The following PM20D2 variants were observed in gnomAD, a reference collection of about 807,000 sequenced individuals.
The protein encoded by PM20D2 is xaa-Arg dipeptidase.
Under a neutral mutation model 42.9 loss-of-function variants are expected in PM20D2, and 33 were observed. The observed-to-expected ratio is 0.77, with a 90% CI of 0.58 to 1.03. PM20D2 has a LOEUF of 1.03. Among genes scored for constraint, PM20D2 ranks in the 50% least tolerant of loss-of-function variants. PM20D2 has a pLI of 0.00. For synonymous variants in PM20D2, 250 were observed against 228.2 expected (o/e 1.10, Z -0.86); for missense variants, 548 against 557.0 (o/e 0.98, Z 0.16).
chr6:89,107,299 T>C, the PM20D2 span: 3 of 1,489,482 alleles, frequency 2.0e-6, no homozygotes, highest in Non-Finnish European at 1.9e-6. Flanking sequence ...TATGAATAGC[T>C]GGATTAAAAT....
the PM20D2 span, among the ~76,000 whole-genome samples, chr6:89,132,713 C>T: frequency 1.3e-5 from 2 of 150,422 alleles, no homozygotes; most frequent in Non-Finnish European, 2.9e-5. Flanking sequence ...TGGCACACAC[C>T]TGTAATCCCA....
the PM20D2 span, among the ~76,000 whole-genome samples, chr6:89,135,966 A>G: frequency 3.2e-4 from 49 of 151,362 alleles, 1 homozygote; most frequent in East Asian, 7.7e-4. Context: ...ATATTGCAAT[A>G]TGATCTCTGG....
At chr6:89,107,635 G>A in the PM20D2 span, among the ~76,000 whole-genome samples, 1 of 152,132 alleles carries the variant, frequency 6.6e-6, no homozygotes, top group Non-Finnish European at 1.5e-5. Context: ...GGAGGCTGAG[G>A]CGGGAGAATC....
the PM20D2 span, among the ~76,000 whole-genome samples, chr6:89,099,723 T>A: frequency 6.6e-6 from 1 of 151,950 alleles, no homozygotes; most frequent in Non-Finnish European, 1.5e-5. Context: ...TCAGTAGAGA[T>A]GGGATTTCTC....
chr6:89,140,644 C>T, the PM20D2 span, among the ~76,000 whole-genome samples: 4 of 152,274 alleles, frequency 2.6e-5, no homozygotes, highest in East Asian at 7.7e-4. Context: ...AGCTGGGTTA[C>T]GTCTTTGCAG....
chr6:89,125,044 G>T, the PM20D2 span, among the ~76,000 whole-genome samples: 1 of 152,072 alleles, frequency 6.6e-6, no homozygotes, highest in South Asian at 2.1e-4. Flanking sequence ...GCCCCATCAA[G>T]ATTTTTTAAG....
chr6:89,118,752 GAACA>G, the PM20D2 span, among the ~76,000 whole-genome samples: 1 of 152,226 alleles, frequency 6.6e-6, no homozygotes. Flanking sequence ...ATATAGCAAT[GAACA>G]AACAGGCCAA....
At chr6:89,122,938 C>T in the PM20D2 span, among the ~76,000 whole-genome samples, 556 of 152,284 alleles carry the variant, frequency 3.7e-3, 3 homozygotes, top group Non-Finnish European at 6.0e-3. Flanking sequence ...CATCATCATT[C>T]CACACAATCA....
the PM20D2 span, among the ~76,000 whole-genome samples, chr6:89,138,901 ATCTC>A: frequency 5.9e-3 from 902 of 152,214 alleles, 9 homozygotes; most frequent in African/African-American, 0.02. Flanking sequence ...ATAAATAAAT[ATCTC>A]TATCATAGTT....
At chr6:89,156,664 TGGA>T (rs1402600990) in intron 4 of PM20D2, among the ~76,000 whole-genome samples, 2 of 151,956 alleles carry the variant, frequency 1.3e-5, no homozygotes, top group East Asian at 3.9e-4. Flanking sequence ...CTGTTAACCT[TGGA>T]GGAAGGTTTT....
At chr6:89,133,395 T>C in the PM20D2 span, among the ~76,000 whole-genome samples, 5 of 151,108 alleles carry the variant, frequency 3.3e-5, no homozygotes, top group East Asian at 9.6e-4. Context: ...TTTATGTAAT[T>C]ATATGTTTAT....
At chr6:89,160,692 A>G (rs1360858589) in intron 5 of PM20D2, among the ~76,000 whole-genome samples, 1 of 152,248 alleles carries the variant, frequency 6.6e-6, no homozygotes, top group Non-Finnish European at 1.5e-5. Flanking sequence ...GCATGAACCA[A>G]ATCATCCAAT....
rs1771121679 is a variant in PM20D2, at chr6:89,158,364, C to T, written c.952C>T (p.Leu318Phe). The T allele has an allele frequency of 6.2e-7, 1 of 1,607,324 alleles. No homozygotes were observed. ...KGGAHDYYNV[L>F]PNKSLWKAYM... ...TGGAGCACATGATTATTACAATGTT[C>T]TTCCCAATAAGAGCCTATGGAAAGC... is the stretch of plus-strand genomic sequence containing the variant. Residue 318 changes from leucine to phenylalanine, a missense_variant, in exon 5 of 7, where the codon CTT becomes TTT. Leu to Phe is a conservative substitution (Grantham distance 22, BLOSUM62 0). Transcript: ENST00000275072.
intron 4 of PM20D2, among the ~76,000 whole-genome samples, chr6:89,157,639 A>T (rs1391547048): frequency 6.6e-6 from 1 of 152,150 alleles, no homozygotes; most frequent in African/African-American, 2.4e-5. Context: ...TGGAGACTGA[A>T]TCCTAGAGCA....
intron 4 of PM20D2, among the ~76,000 whole-genome samples, chr6:89,155,338 G>A (rs1284034213): frequency 1.6e-5 from 2 of 127,512 alleles, no homozygotes; most frequent in Admixed American, 9.5e-5. Flanking sequence ...GCAGCGGCAC[G>A]ATCTTGGCTC....
At chr6:89,120,381 CTGGAGATAGGACT>C in the PM20D2 span, among the ~76,000 whole-genome samples, 37 of 152,222 alleles carry the variant, frequency 2.4e-4, no homozygotes, top group African/African-American at 8.4e-4. Flanking sequence ...GGATACATAC[CTGGAGATAGGACT>C]TGGACATGTA....
intron 1 of PM20D2, 74 bp from the exon 2 acceptor site, chr6:89,149,191 A>G (rs150733623): frequency 1.3e-4 from 191 of 1,516,588 alleles, no homozygotes; most frequent in Middle Eastern, 8.7e-4. Context: ...GTGAATACAT[A>G]TGCAGGTGAA....
chr6:89,145,314 G>A (rs1459554311), upstream of PM20D2, among the ~76,000 whole-genome samples: 1 of 152,292 alleles, frequency 6.6e-6, no homozygotes, highest in Non-Finnish European at 1.5e-5. Flanking sequence ...GTGGAGTTCA[G>A]CATCAATTAA....
chr6:89,143,178 T>A (rs1770398316), upstream of PM20D2, among the ~76,000 whole-genome samples: 3 of 152,250 alleles, frequency 2.0e-5, no homozygotes, highest in South Asian at 6.2e-4. Flanking sequence ...TATTTCTATC[T>A]TAATTCAAAG....
Sources: gnomAD v4.1 joint callset for allele counts (sites outside exome capture counted in the v4.1 genomes callset) on GRCh38, gnomAD v4.1.1 for gene constraint, MANE v1.5 for transcripts, NCBI Gene and HGNC (gene_info 2026-07-23, HGNC 2026-07-21) for gene names.